PARD3: variants seen among roughly 807,000 people sequenced by gnomAD.
PARD3 encodes the protein partitioning defective 3 homolog.
In PARD3, 75 loss-of-function variants were observed where a neutral mutation model predicts 155.4. The ratio of observed to expected loss-of-function variants is 0.48; its 90% CI spans 0.40 to 0.58. The LOEUF is 0.58. Ranked by LOEUF, PARD3 falls within the 20% of genes least tolerant of loss-of-function variation. The pLI is 0.00. For missense variants in PARD3, 1,642 were observed against 1,721.7 expected (o/e 0.95, Z 0.82); for synonymous variants, 576 against 610.5 (o/e 0.94, Z 0.83).
At chr10:34,165,943 C>G (rs775821578) in intron 22 of PARD3, among the ~76,000 whole-genome samples, 6 of 152,150 alleles carry the variant, frequency 3.9e-5, no homozygotes, top group Non-Finnish European at 7.3e-5. Flanking sequence ...TATACATATA[C>G]AAGAAAGAGC....
chr10:34,545,646 C>G (rs2083984164), intron 2 of PARD3, among the ~76,000 whole-genome samples: 1 of 152,202 alleles, frequency 6.6e-6, no homozygotes, highest in South Asian at 2.1e-4. Flanking sequence ...TCTCCACCTC[C>G]CTGGTTCAAG....
chr10:34,811,909 T>A (rs1166527332), intron 1 of PARD3, among the ~76,000 whole-genome samples: 1 of 152,222 alleles, frequency 6.6e-6, no homozygotes, highest in African/African-American at 2.4e-5. Context: ...GTTCCCAATG[T>A]CTAGCACCGC....
intron 22 of PARD3, among the ~76,000 whole-genome samples, chr10:34,197,089 C>T (rs903217351): frequency 6.6e-6 from 1 of 152,138 alleles, no homozygotes; most frequent in Admixed American, 6.5e-5. Context: ...CAGCTCAAAA[C>T]CAAGTTAAAT....
intron 22 of PARD3, among the ~76,000 whole-genome samples, chr10:34,258,535 G>A (rs550978121): frequency 1.3e-5 from 2 of 152,274 alleles, no homozygotes; most frequent in Non-Finnish European, 1.5e-5. Flanking sequence ...TTGGGATCAG[G>A]TGACTGATAG....
intron 7 of PARD3, among the ~76,000 whole-genome samples, chr10:34,389,106 T>A (rs935755805): frequency 6.6e-6 from 1 of 152,058 alleles, no homozygotes; most frequent in Non-Finnish European, 1.5e-5. Flanking sequence ...GTCTCCTATA[T>A]TTTCTTCAAA....
At chr10:34,399,108 A>T (rs1342109423) in intron 7 of PARD3, among the ~76,000 whole-genome samples, 2 of 152,182 alleles carry the variant, frequency 1.3e-5, no homozygotes, top group Non-Finnish European at 2.9e-5. Context: ...TTATTAGGAT[A>T]ATTCAAATGC....
At chr10:34,386,817 CA>C (rs79015033) in intron 7 of PARD3, among the ~76,000 whole-genome samples, 10,159 of 85,414 alleles carry the variant, frequency 0.12, 385 homozygotes, top group Non-Finnish European at 0.16. Flanking sequence ...AAACTCCGTC[CA>C]AAAAAAAAAA....
intron 1 of PARD3, among the ~76,000 whole-genome samples, chr10:34,701,935 G>A (rs781451647): frequency 6.6e-6 from 1 of 152,094 alleles, no homozygotes; most frequent in South Asian, 2.1e-4. Context: ...GGCCAAGGTG[G>A]GTGGATCACT....
intron 1 of PARD3, among the ~76,000 whole-genome samples, chr10:34,792,060 C>T (rs1453520842): frequency 6.6e-6 from 1 of 152,174 alleles, no homozygotes; most frequent in South Asian, 2.1e-4. Context: ...TCGTGACATG[C>T]GCCCAGGTGC....
chr10:34,557,274 A>C (rs557343726), intron 2 of PARD3, among the ~76,000 whole-genome samples: 2 of 152,234 alleles, frequency 1.3e-5, no homozygotes, highest in African/African-American at 4.8e-5. Context: ...TGCTCTATTC[A>C]CTTTTGTATC....
intron 12 of PARD3, among the ~76,000 whole-genome samples, chr10:34,366,019 T>C (rs1280083085): frequency 6.6e-6 from 1 of 152,216 alleles, no homozygotes; most frequent in Non-Finnish European, 1.5e-5. Context: ...CTTCTACACA[T>C]GACTGAATTT....
chr10:34,288,039 C>T (rs1044578618), intron 20 of PARD3, among the ~76,000 whole-genome samples: 1 of 151,974 alleles, frequency 6.6e-6, no homozygotes, highest in Admixed American at 6.6e-5. Flanking sequence ...GATGAAACCC[C>T]GTCTCTACTA....
intron 5 of PARD3, among the ~76,000 whole-genome samples, chr10:34,419,825 A>G (rs1323956209): frequency 6.6e-6 from 1 of 152,234 alleles, no homozygotes; most frequent in African/African-American, 2.4e-5. Flanking sequence ...CCATACACTC[A>G]AGTGCAATTT....
intron 2 of PARD3, among the ~76,000 whole-genome samples, chr10:34,561,760 C>T (rs1304001402): frequency 4.6e-5 from 7 of 151,608 alleles, no homozygotes; most frequent in African/African-American, 7.3e-5. Flanking sequence ...TCAGGTGATC[C>T]GCCCACCTCG....
chr10:34,414,752 A>G (rs1441409245), intron 5 of PARD3, among the ~76,000 whole-genome samples: 1 of 152,302 alleles, frequency 6.6e-6, no homozygotes, highest in African/African-American at 2.4e-5. Context: ...AGACATGCCC[A>G]GTACTCTGAT....
chr10:34,501,230 G>A (rs1468882214), intron 3 of PARD3, among the ~76,000 whole-genome samples: 1 of 152,064 alleles, frequency 6.6e-6, no homozygotes, highest in Non-Finnish European at 1.5e-5. Flanking sequence ...TCTGAATCCT[G>A]GGGACGATTC....
intron 2 of PARD3, among the ~76,000 whole-genome samples, chr10:34,517,658 A>T (rs754411136): frequency 3.3e-5 from 5 of 152,120 alleles, no homozygotes; most frequent in Non-Finnish European, 5.9e-5. Context: ...CCAGTTAGTA[A>T]ATTTGTTTCT....
At chr10:34,800,978 CG>C (rs1842793691) in intron 1 of PARD3, among the ~76,000 whole-genome samples, 1 of 152,170 alleles carries the variant, frequency 6.6e-6, no homozygotes, top group Admixed American at 6.5e-5. Context: ...TCTTCTGCCT[CG>C]GACTAAAATC....
intron 2 of PARD3, among the ~76,000 whole-genome samples, chr10:34,658,021 C>T (rs751327894): frequency 6.6e-6 from 1 of 151,976 alleles, no homozygotes; most frequent in Non-Finnish European, 1.5e-5. Context: ...TTGCAGGCAC[C>T]TGTAGTCCCA....
Sources: gnomAD v4.1 joint callset for allele counts (sites outside exome capture counted in the v4.1 genomes callset) on GRCh38, gnomAD v4.1.1 for gene constraint, MANE v1.5 for transcripts, NCBI Gene and HGNC (gene_info 2026-07-23, HGNC 2026-07-21) for gene names.